The following DCC variants were observed in gnomAD, a reference collection of about 807,000 sequenced individuals.
DCC encodes DCC netrin 1 receptor, also known as netrin receptor DCC.
A neutral mutation model predicts 172.5 loss-of-function variants in DCC; 58 were observed. The observed-to-expected ratio is 0.34, with a 90% CI of 0.27 to 0.42. The LOEUF is 0.42. Among genes scored for constraint, DCC ranks in the 10% least tolerant of loss-of-function variants. DCC has a pLI of 1.00. For missense variants in DCC, 1,740 were observed against 1,791.0 expected (o/e 0.97, Z 0.51); for synonymous variants, 709 against 644.5 (o/e 1.10, Z -1.52).
chr18:53,491,890 G>A (rs950590220), intron 26 of DCC, among the ~76,000 whole-genome samples: 1 of 152,084 alleles, frequency 6.6e-6, no homozygotes, highest in South Asian at 2.1e-4. Flanking sequence ...TTGCCACACT[G>A]TCTTCCACAA....
chr18:52,958,898 C>T (rs187242328), intron 5 of DCC, among the ~76,000 whole-genome samples: 2 of 152,244 alleles, frequency 1.3e-5, no homozygotes, highest in Middle Eastern at 3.4e-3. Context: ...CCACAGCCCG[C>T]GGGCCATATG....
chr18:53,298,870 A>C (rs1008276857), intron 12 of DCC, among the ~76,000 whole-genome samples: 2 of 152,156 alleles, frequency 1.3e-5, no homozygotes, highest in African/African-American at 4.8e-5. Context: ...TACTTATTTT[A>C]GTGTGAAATA....
chr18:52,507,136 T>C lies in DCC; in HGVS notation c.91+166258T>C, dbSNP rs545980893. Among the ~76,000 whole-genome samples the C allele has an allele frequency of 1.1e-4, 17 of 152,314 alleles. No individual in the cohort carries two copies. In the South Asian group the frequency reaches 3.5e-3, roughly 32 times the overall value. ...AAGATGCTAATCCTTTATAGCCTAA[T>C]AGGAATCTCATATCCTCCCCTATGA... On this transcript the variant is annotated intron_variant, in intron 1 of 28. Transcript: ENST00000442544.
chr18:52,959,703 A>G (rs1199581987), intron 5 of DCC, among the ~76,000 whole-genome samples: 2 of 152,174 alleles, frequency 1.3e-5, no homozygotes, highest in Admixed American at 6.5e-5. Context: ...GAGGCACACA[A>G]TAAATAATAT....
intron 5 of DCC, among the ~76,000 whole-genome samples, chr18:52,962,213 A>G (rs1446196531): frequency 6.6e-6 from 1 of 152,010 alleles, no homozygotes; most frequent in Admixed American, 6.5e-5. Flanking sequence ...TACTTATCTG[A>G]CAAAGGGCTA....
intron 16 of DCC, 145 bp downstream of exon 16, chr18:53,386,283 A>T (rs1908163840): frequency 1.5e-6 from 1 of 680,764 alleles, no homozygotes; most frequent in Middle Eastern, 3.0e-4. Flanking sequence ...TTATCCTCTG[A>T]GTCTGATAAG....
intron 27 of DCC, among the ~76,000 whole-genome samples, chr18:53,508,211 T>TA (rs71179516): frequency 0.016 from 2,303 of 144,984 alleles, 72 homozygotes; most frequent in African/African-American, 0.056. Context: ...ATTTTTTTTT[T>TA]AGACAGTCTC....
At chr18:52,909,945 C>A (rs77386499) in intron 3 of DCC, among the ~76,000 whole-genome samples, 7,335 of 152,178 alleles carry the variant, frequency 0.048, 212 homozygotes, top group Non-Finnish European at 0.062. Flanking sequence ...GGAAAAAGAG[C>A]AGCACGTGAA....
chr18:53,024,695 G>A (rs558658360), intron 5 of DCC, among the ~76,000 whole-genome samples: 7 of 152,210 alleles, frequency 4.6e-5, no homozygotes, highest in African/African-American at 1.2e-4. Flanking sequence ...TTAAGTAATA[G>A]CAACATTCTA....
intron 5 of DCC, among the ~76,000 whole-genome samples, chr18:52,950,247 T>A (rs569912980): frequency 6.6e-6 from 1 of 152,156 alleles, no homozygotes; most frequent in Non-Finnish European, 1.5e-5. Flanking sequence ...AATTTCCTAC[T>A]CTCTCTTAAT....
chr18:52,658,904 C>T (rs1029857629), intron 1 of DCC, among the ~76,000 whole-genome samples: 1 of 148,334 alleles, frequency 6.7e-6, no homozygotes, highest in Non-Finnish European at 1.5e-5. Flanking sequence ...CCTTTGATCC[C>T]AATGGAAGTT....
chr18:52,901,530 A>G (rs978508952), intron 2 of DCC, among the ~76,000 whole-genome samples: 2 of 152,202 alleles, frequency 1.3e-5, no homozygotes, highest in African/African-American at 4.8e-5. Flanking sequence ...AGATAATAAT[A>G]CTTCCTAAAA....
chr18:53,471,366 C>A lies in DCC; in HGVS notation c.3736+3356C>A, dbSNP rs575182891. ...CAATTAAGTTATTATTGACTACAGTCACCCTGTTGTGCTATCAAATAGTAG... is the reference window on the plus strand; with the variant it reads ...CAATTAAGTTATTATTGACTACAGTAACCCTGTTGTGCTATCAAATAGTAG... On this transcript the variant is annotated intron_variant, in intron 25 of 28. Transcript: ENST00000442544. 1.1e-4 allele frequency among the ~76,000 whole-genome samples: 16 copies of A among 152,280 alleles called. No individual in the cohort carries two copies. The South Asian group carries it at 3.1e-3, about 30-fold the overall frequency.
intron 2 of DCC, among the ~76,000 whole-genome samples, chr18:52,835,456 A>G (rs2038688233): frequency 6.6e-6 from 1 of 152,204 alleles, no homozygotes; most frequent in Non-Finnish European, 1.5e-5. Context: ...GAGTTAAACT[A>G]CTGCTGATTT....
At position 53,339,853 on chromosome 18, in the gene DCC, G is replaced by A. The variant is rs754564228; in HGVS notation, c.2305G>A (p.Ala769Thr). The stretch of plus-strand genomic sequence containing the variant: ...CGGTTATGGCGTTGGGAGCCCTTAC[G>A]CTGAGACAGTGCGTGTGGACAGCAA... The part of the protein sequence containing the change: ...IIGYGVGSPY[A>T]ETVRVDSKQR... The change falls in exon 15 of 29, where the codon GCT becomes ACT. Residue 769 changes from alanine to threonine, a missense_variant. Around this residue, in one of 2 missense-constraint regions of DCC, gnomAD observed 1,732 missense variants for 1,767.4 expected, o/e 0.98. Coordinates refer to ENST00000442544, the MANE Select transcript of DCC (RefSeq NM_005215.4). 4 of 1,613,914 alleles carry A rather than the reference G, an allele frequency of 2.5e-6. No homozygotes were observed. The highest frequency in any genetic ancestry group is 1.1e-5 in the South Asian group (1 of 91,068).
At chr18:52,640,782 C>G (rs947565401) in intron 1 of DCC, among the ~76,000 whole-genome samples, 2 of 152,020 alleles carry the variant, frequency 1.3e-5, no homozygotes, top group East Asian at 3.9e-4. Flanking sequence ...GAAAAATGAC[C>G]ATACTGCCAA....
chr18:53,475,250 GAGA>G (rs1436849913), intron 25 of DCC, among the ~76,000 whole-genome samples: 1 of 152,236 alleles, frequency 6.6e-6, no homozygotes, highest in Non-Finnish European at 1.5e-5. Flanking sequence ...CCCATTTTCT[GAGA>G]AGAAATTGAA....
intron 5 of DCC, among the ~76,000 whole-genome samples, chr18:52,943,080 C>T (rs569853124): frequency 6.6e-6 from 1 of 151,924 alleles, no homozygotes; most frequent in African/African-American, 2.4e-5. Context: ...GTTTTAATAC[C>T]ATTTTGATGT....
At chr18:52,446,683 C>A (rs907235380) in intron 1 of DCC, among the ~76,000 whole-genome samples, 3 of 152,132 alleles carry the variant, frequency 2.0e-5, no homozygotes, top group African/African-American at 4.8e-5. Flanking sequence ...TAGCCACTAC[C>A]TTTGGTATTG....
Sources: gnomAD v4.1 joint callset for allele counts (sites outside exome capture counted in the v4.1 genomes callset) on GRCh38, gnomAD v4.1.1 for gene constraint, gnomAD v4.1.1 regional missense constraint, MANE v1.5 for transcripts, NCBI Gene and HGNC (gene_info 2026-07-23, HGNC 2026-07-21) for gene names.